The following NKAIN2 variants were observed in gnomAD, a reference collection of about 807,000 sequenced individuals.
NKAIN2 encodes the protein sodium/potassium-transporting ATPase subunit beta-1-interacting protein 2.
Under a neutral mutation model 32.6 loss-of-function variants are expected in NKAIN2, and 14 were observed. The ratio of observed to expected loss-of-function variants is 0.43; its 90% CI spans 0.28 to 0.67. The LOEUF (loss-of-function observed/expected upper bound fraction) is 0.67, where lower values mean the gene tolerates loss of function less well. Among genes scored for constraint, NKAIN2 ranks in the 30% least tolerant of loss-of-function variants. NKAIN2 has a pLI of 0.17. For missense variants in NKAIN2, 198 were observed against 258.3 expected (o/e 0.77, Z 1.60); for synonymous variants, 80 against 87.2 (o/e 0.92, Z 0.46).
At chr6:124,428,698 G>A (rs866251820) in intron 3 of NKAIN2, among the ~76,000 whole-genome samples, 1 of 152,020 alleles carries the variant, frequency 6.6e-6, no homozygotes, top group African/African-American at 2.4e-5. Flanking sequence ...TCTTTTCTCT[G>A]GAAAAGATAG....
chr6:123,967,466 T>A (rs1009210994), intron 1 of NKAIN2, among the ~76,000 whole-genome samples: 2 of 152,182 alleles, frequency 1.3e-5, no homozygotes, highest in African/African-American at 4.8e-5. Context: ...CTTGCCCCCC[T>A]TTTGACTCTG....
chr6:124,497,383 C>T (rs1445467335), intron 3 of NKAIN2, among the ~76,000 whole-genome samples: 1 of 152,162 alleles, frequency 6.6e-6, no homozygotes, highest in Non-Finnish European at 1.5e-5. Flanking sequence ...CTCCTAGGCA[C>T]TTTCTGCAGC....
Position 124,627,666 on chromosome 6 carries a change from G to GTGTT in NKAIN2, c.274-30519_274-30516dup, listed in dbSNP as rs1645413472. On this transcript the variant is annotated intron_variant, in intron 3 of 6. Transcript: ENST00000368417. ...GTCATCCTAGCTGGCTTCCTTGACG[G>GTGTT]TGTTAACTCAAAATTCTGAGTTCTT... Among the ~76,000 whole-genome samples, 3 of 152,076 alleles carry GTGTT rather than the reference G, an allele frequency of 2.0e-5. No individual in the cohort carries two copies. In the South Asian group the frequency reaches 6.2e-4, roughly 32 times the overall value.
chr6:124,694,936 GTTTTC>G (rs1290061640), intron 4 of NKAIN2, among the ~76,000 whole-genome samples: 1 of 147,908 alleles, frequency 6.8e-6, no homozygotes, highest in Non-Finnish European at 1.5e-5. Flanking sequence ...AGAAGGTTTT[GTTTTC>G]TTTTGTTATG....
At chr6:124,794,878 G>C (rs753940758) in intron 5 of NKAIN2, 9 of 962,748 alleles carry the variant, frequency 9.3e-6, no homozygotes, top group Non-Finnish European at 1.1e-5. Context: ...GATCCATAGA[G>C]TAAAAAAGGT....
intron 1 of NKAIN2, among the ~76,000 whole-genome samples, chr6:123,838,321 A>G (rs1022752043): frequency 3.3e-5 from 5 of 152,110 alleles, no homozygotes; most frequent in African/African-American, 1.2e-4. Context: ...TACTTCATAA[A>G]TTCTCTCCGT....
intron 3 of NKAIN2, among the ~76,000 whole-genome samples, chr6:124,519,997 A>G (rs181999466): frequency 6.6e-6 from 1 of 152,290 alleles, no homozygotes; most frequent in East Asian, 1.9e-4. Flanking sequence ...TTTTAGAGAT[A>G]AGAAACCTAA....
At chr6:124,064,846 T>A (rs879910295) in intron 1 of NKAIN2, among the ~76,000 whole-genome samples, 2 of 152,202 alleles carry the variant, frequency 1.3e-5, no homozygotes, top group Non-Finnish European at 2.9e-5. Context: ...TCAGGTTTTA[T>A]AAGAGGGTAT....
intron 1 of NKAIN2, among the ~76,000 whole-genome samples, chr6:124,097,370 T>G (rs528450625): frequency 5.7e-4 from 83 of 146,776 alleles, no homozygotes; most frequent in South Asian, 1.7e-3. Context: ...GCCACTGCAC[T>G]CTGGCCTGGC....
chr6:124,303,286 A>G (rs1329884739), intron 2 of NKAIN2, among the ~76,000 whole-genome samples: 1 of 152,220 alleles, frequency 6.6e-6, no homozygotes, highest in Non-Finnish European at 1.5e-5. Flanking sequence ...GGAAGGAGCC[A>G]AGAAACCAAA....
At chr6:124,359,186 T>C (rs1320717519) in intron 3 of NKAIN2, among the ~76,000 whole-genome samples, 1 of 152,180 alleles carries the variant, frequency 6.6e-6, no homozygotes, top group Non-Finnish European at 1.5e-5. Flanking sequence ...CCTTGTAGTA[T>C]AGTTTGAAGT....
rs562209305 is a variant in NKAIN2 at position 124,286,840 on chromosome 6, C to T, written c.192+3698C>T. 3.9e-5 allele frequency among the ~76,000 whole-genome samples: 6 copies of T among 152,188 alleles called. No individual in the cohort carries two copies. The South Asian group carries it at 1.2e-3, about 32-fold the overall frequency. ...GGGACTACAGGCGTGTGCCATCATG[C>T]CCGGCTCATTTTTGTATTTTTTCAG... On this transcript the variant is annotated intron_variant, in intron 2 of 6. Coordinates refer to ENST00000368417, the MANE Select transcript of NKAIN2 (RefSeq NM_001040214.3).
intron 1 of NKAIN2, among the ~76,000 whole-genome samples, chr6:123,928,238 G>A (rs890096262): frequency 4.6e-5 from 7 of 152,036 alleles, no homozygotes; most frequent in African/African-American, 1.4e-4. Context: ...CAGCAGACAC[G>A]GGGAACTACT....
chr6:124,752,532 T>C (rs1270139389), intron 4 of NKAIN2, among the ~76,000 whole-genome samples: 1 of 151,858 alleles, frequency 6.6e-6, no homozygotes, highest in African/African-American at 2.4e-5. Flanking sequence ...TCAAAATGTA[T>C]ATGTGGGTAT....
chr6:124,225,532 G>A (rs1792058732), intron 1 of NKAIN2, among the ~76,000 whole-genome samples: 1 of 151,800 alleles, frequency 6.6e-6, no homozygotes, highest in Non-Finnish European at 1.5e-5. Flanking sequence ...CTTAAGGATT[G>A]GAAAGTACAT....
At position 124,167,012 on chromosome 6, in the gene NKAIN2, G is replaced by A. The variant is rs1490697627; in HGVS notation, c.55-115993G>A. Among the ~76,000 whole-genome samples, 5 of 150,522 alleles carry A rather than the reference G, an allele frequency of 3.3e-5. No individual in the cohort carries two copies. In the East Asian group the frequency reaches 7.8e-4, roughly 23 times the overall value. ...ACTTGGGGATGCGGGCTCTTTTTTG[G>A]TTCCATATGAACTTTAAAGTAGTTT... is the stretch of plus-strand genomic sequence containing the variant. On this transcript the variant is annotated intron_variant, in intron 1 of 6. Transcript: ENST00000368417.
chr6:124,321,118 A>G (rs988656794), intron 2 of NKAIN2, among the ~76,000 whole-genome samples: 1 of 152,192 alleles, frequency 6.6e-6, no homozygotes, highest in Non-Finnish European at 1.5e-5. Context: ...GGTTGGAATA[A>G]GTATTTTCAC....
At chr6:123,849,606 A>C (rs970143260) in intron 1 of NKAIN2, among the ~76,000 whole-genome samples, 1 of 152,070 alleles carries the variant, frequency 6.6e-6, no homozygotes, top group African/African-American at 2.4e-5. Context: ...TAGGCAAAGC[A>C]GTTTCGGCAG....
intron 1 of NKAIN2, among the ~76,000 whole-genome samples, chr6:124,202,779 T>G (rs1790657478): frequency 6.6e-6 from 1 of 151,788 alleles, no homozygotes; most frequent in Non-Finnish European, 1.5e-5. Flanking sequence ...GTGCTACAAG[T>G]AATAGCTCTT....
Sources: gnomAD v4.1 joint callset for allele counts (sites outside exome capture counted in the v4.1 genomes callset) on GRCh38, gnomAD v4.1.1 for gene constraint, MANE v1.5 for transcripts, NCBI Gene and HGNC (gene_info 2026-07-23, HGNC 2026-07-21) for gene names.